Variants in BAZ2B observed in about 807,000 individuals in gnomAD.
BAZ2B encodes bromodomain adjacent to zinc finger domain 2B.
In BAZ2B, 91 loss-of-function variants were observed where a neutral mutation model predicts 246.0. That is an observed-to-expected ratio of 0.37 (90% CI 0.31 to 0.44). BAZ2B has a LOEUF of 0.44. BAZ2B is among the 20% of genes least tolerant of loss of function. The pLI is 1.00. For missense variants in BAZ2B, 2,332 were observed against 2,533.7 expected (o/e 0.92, Z 1.71); for synonymous variants, 855 against 860.0 (o/e 0.99, Z 0.10).
At chr2:159,405,626 A>C (rs1163558763) in intron 14 of BAZ2B, among the ~76,000 whole-genome samples, 1 of 152,240 alleles carries the variant, frequency 6.6e-6, no homozygotes, top group Non-Finnish European at 1.5e-5. Flanking sequence ...TTCCAATGGA[A>C]ATAATCAAAT....
At chr2:159,384,740 T>C (rs1438384146) in intron 23 of BAZ2B, among the ~76,000 whole-genome samples, 1 of 152,120 alleles carries the variant, frequency 6.6e-6, no homozygotes, top group Non-Finnish European at 1.5e-5. Flanking sequence ...AAAAAGTGGC[T>C]ACGTAATTCT....
At chr2:159,640,111 A>AGTTCATTACATAATCAGAAAC in the BAZ2B span, among the ~76,000 whole-genome samples, 12 of 152,158 alleles carry the variant, frequency 7.9e-5, no homozygotes, top group African/African-American at 2.9e-4. Flanking sequence ...GAGATACAGA[A>AGTTCATTACATAATCAGAAAC]GTTCATTACA....
At chr2:159,520,134 C>A (rs571890114) in intron 2 of BAZ2B, among the ~76,000 whole-genome samples, 1 of 152,248 alleles carries the variant, frequency 6.6e-6, no homozygotes, top group South Asian at 2.1e-4. Context: ...CCAGTGATGT[C>A]AAACGACATG....
chr2:159,436,478 G>A (rs995824483), intron 8 of BAZ2B, among the ~76,000 whole-genome samples: 11 of 152,218 alleles, frequency 7.2e-5, no homozygotes, highest in African/African-American at 2.7e-4. Flanking sequence ...GCCAGGTGTG[G>A]TGGCTCACGC....
chr2:159,680,168 A>G, the BAZ2B span, among the ~76,000 whole-genome samples: 19 of 152,226 alleles, frequency 1.2e-4, no homozygotes, highest in African/African-American at 3.9e-4. Context: ...ACAAAATCCA[A>G]TGTATACAAG....
intron 3 of BAZ2B, chr2:159,459,863 A>C (rs1001404695): frequency 6.6e-6 from 1 of 152,092 alleles, no homozygotes; most frequent in African/African-American, 2.4e-5. Context: ...GTCTTGATGA[A>C]AACTTTTGAG....
intron 2 of BAZ2B, among the ~76,000 whole-genome samples, chr2:159,550,122 G>C (rs978326954): frequency 2.6e-5 from 4 of 152,134 alleles, no homozygotes; most frequent in Admixed American, 1.3e-4. Context: ...ATTAAAAAAG[G>C]CGTGAGCCAC....
chr2:159,410,905 C>T (rs1426672540), intron 14 of BAZ2B, among the ~76,000 whole-genome samples: 1 of 152,070 alleles, frequency 6.6e-6, no homozygotes, highest in African/African-American at 2.4e-5. Context: ...TGACTCAAGT[C>T]CACTTATTTT....
chr2:159,446,148 G>A (rs1055959602), intron 6 of BAZ2B, among the ~76,000 whole-genome samples: 4 of 151,776 alleles, frequency 2.6e-5, no homozygotes, highest in African/African-American at 9.7e-5. Flanking sequence ...GAAAGAAGAA[G>A]AAAAAGAAGT....
At chr2:159,694,845 G>A in the BAZ2B span, 1 of 152,146 alleles carries the variant, frequency 6.6e-6, no homozygotes, top group South Asian at 2.1e-4. Flanking sequence ...ACTTAGTAAC[G>A]ATATTGCTGA....
chr2:159,331,041 A>G (rs2064662481), intron 34 of BAZ2B, among the ~76,000 whole-genome samples: 1 of 152,194 alleles, frequency 6.6e-6, no homozygotes, highest in African/African-American at 2.4e-5. Flanking sequence ...TCAGTAGGCT[A>G]AAGAGAGGAA....
the BAZ2B span, chr2:159,689,672 A>AGCATTTTTTACT: frequency 3.0e-6 from 1 of 330,806 alleles, no homozygotes. Flanking sequence ...GTTCCTGGCC[A>AGCATTTTTTACT]GCATTTTTAC....
chr2:159,556,683 A>C (rs927726932), intron 1 of BAZ2B, among the ~76,000 whole-genome samples: 8 of 152,102 alleles, frequency 5.3e-5, no homozygotes, highest in African/African-American at 1.9e-4. Context: ...CCTGTTCTCA[A>C]ACTCCTGGCC....
At chr2:159,508,080 AG>A (rs1272810270) in intron 2 of BAZ2B, among the ~76,000 whole-genome samples, 8 of 152,116 alleles carry the variant, frequency 5.3e-5, no homozygotes, top group African/African-American at 1.9e-4. Flanking sequence ...CATGTTGGCC[AG>A]GCTGGTCTCG....
chr2:159,621,184 C>T (rs543093337), upstream of BAZ2B, among the ~76,000 whole-genome samples: 23 of 152,276 alleles, frequency 1.5e-4, no homozygotes, highest in South Asian at 6.2e-4. Flanking sequence ...CTGGCTATGA[C>T]GCTTTATAGG....
chr2:159,462,689 A>G (rs1039265493), intron 3 of BAZ2B: 10 of 1,334,026 alleles, frequency 7.5e-6, no homozygotes, highest in Non-Finnish European at 8.6e-6. Flanking sequence ...AAGCACTCCA[A>G]CCACCTGGGC....
chr2:159,330,873 G>A (rs951826768), intron 34 of BAZ2B, among the ~76,000 whole-genome samples: 11 of 151,968 alleles, frequency 7.2e-5, no homozygotes, highest in Admixed American at 7.2e-4. Context: ...AACAAAGAGT[G>A]AACCAGAGGA....
chr2:159,700,562 C>G, the BAZ2B span, among the ~76,000 whole-genome samples: 1 of 152,178 alleles, frequency 6.6e-6, no homozygotes, highest in Non-Finnish European at 1.5e-5. Context: ...TCTTCTGCCT[C>G]AGCCTCTCGA....
At chr2:159,451,954 T>C (rs2075145929) in intron 4 of BAZ2B, among the ~76,000 whole-genome samples, 1 of 151,548 alleles carries the variant, frequency 6.6e-6, no homozygotes, top group African/African-American at 2.4e-5. Flanking sequence ...TATCACTATC[T>C]ATATTGTTTT....
Sources: allele counts gnomAD v4.1 joint callset (sites outside exome capture counted in the v4.1 genomes callset), GRCh38; gene constraint gnomAD v4.1.1; transcripts MANE v1.5; gene names NCBI Gene and HGNC (gene_info 2026-07-23, HGNC 2026-07-21).